Variants in PLCB1 observed in about 807,000 individuals in gnomAD.
The protein encoded by PLCB1 is phospholipase C beta 1.
Under a neutral mutation model 161.8 loss-of-function variants are expected in PLCB1, and 46 were observed. That is an observed-to-expected ratio of 0.28 (90% CI 0.22 to 0.36). The LOEUF is 0.36. PLCB1 is among the 10% of genes least tolerant of loss of function. PLCB1 has a pLI of 1.00. For synonymous variants in PLCB1, 517 were observed against 503.7 expected (o/e 1.03, Z -0.35); for missense variants, 1,016 against 1,472.5 (o/e 0.69, Z 5.07).
At chr20:8,861,781 T>C (rs1333737413) in intron 31 of PLCB1, among the ~76,000 whole-genome samples, 1 of 145,162 alleles carries the variant, frequency 6.9e-6, no homozygotes, top group Non-Finnish European at 1.5e-5. Context: ...CAAAACCCCA[T>C]CTTTATAAAA....
intron 3 of PLCB1, among the ~76,000 whole-genome samples, chr20:8,445,601 T>G (rs1268438017): frequency 1.6e-4 from 25 of 152,022 alleles, no homozygotes; most frequent in African/African-American, 2.9e-4. Flanking sequence ...TTGGTAGCTT[T>G]ATGGGGATGG....
intron 10 of PLCB1, among the ~76,000 whole-genome samples, chr20:8,688,639 A>C (rs1410811270): frequency 6.6e-6 from 1 of 152,122 alleles, no homozygotes; most frequent in East Asian, 1.9e-4. Context: ...TGCTTTGTCA[A>C]AGATCAGTTG....
intron 3 of PLCB1, among the ~76,000 whole-genome samples, chr20:8,605,862 G>C (rs1469392894): frequency 7.2e-6 from 1 of 137,962 alleles, no homozygotes; most frequent in Non-Finnish European, 1.7e-5. Context: ...TGTACCCATG[G>C]TTTAGCTCTC....
At chr20:8,263,332 G>GCAT (rs56716637) in intron 2 of PLCB1, among the ~76,000 whole-genome samples, 19,028 of 152,074 alleles carry the variant, frequency 0.13, 1,560 homozygotes, top group African/African-American at 0.23. Flanking sequence ...GAGATGCTGA[G>GCAT]CATATCATCA....
intron 3 of PLCB1, among the ~76,000 whole-genome samples, chr20:8,587,359 G>T (rs1435047715): frequency 5.3e-5 from 8 of 151,992 alleles, no homozygotes; most frequent in African/African-American, 1.7e-4. Flanking sequence ...GCCTGCCTAG[G>T]GACCCTGTTA....
At chr20:8,557,792 A>T (rs2123013138) in intron 3 of PLCB1, among the ~76,000 whole-genome samples, 1 of 152,138 alleles carries the variant, frequency 6.6e-6, no homozygotes, top group East Asian at 1.9e-4. Context: ...CAGCAAAAAT[A>T]AACCCCAAGC....
At chr20:8,644,005 C>T (rs1451033298) in intron 4 of PLCB1, among the ~76,000 whole-genome samples, 3 of 152,202 alleles carry the variant, frequency 2.0e-5, no homozygotes, top group South Asian at 4.1e-4. Context: ...CTGTGTTGGC[C>T]GGGCTGGTCT....
chr20:8,336,713 C>T (rs540089846), intron 2 of PLCB1, among the ~76,000 whole-genome samples: 1 of 152,194 alleles, frequency 6.6e-6, no homozygotes, highest in Admixed American at 6.5e-5. Context: ...GATAAAATAA[C>T]CCTAAATTTC....
chr20:8,749,637 G>A (rs1981349361), intron 23 of PLCB1, among the ~76,000 whole-genome samples: 1 of 152,060 alleles, frequency 6.6e-6, no homozygotes, highest in Non-Finnish European at 1.5e-5. Context: ...ATTCAAGTTG[G>A]TAGGAACTTT....
intron 3 of PLCB1, among the ~76,000 whole-genome samples, chr20:8,391,455 CT>C (rs997158957): frequency 1.0e-3 from 153 of 152,072 alleles, no homozygotes; most frequent in African/African-American, 3.6e-3. Context: ...ATGCGGGTAT[CT>C]TTTTCTGCAC....
intron 3 of PLCB1, among the ~76,000 whole-genome samples, chr20:8,397,295 T>G (rs1458391680): frequency 1.3e-5 from 2 of 152,128 alleles, no homozygotes; most frequent in Non-Finnish European, 2.9e-5. Context: ...GAATATATAC[T>G]CCAAGATTAT....
chr20:8,385,428 C>T (rs940761312), intron 3 of PLCB1, among the ~76,000 whole-genome samples: 2 of 152,208 alleles, frequency 1.3e-5, no homozygotes, highest in African/African-American at 4.8e-5. Context: ...TGCTGTCCTT[C>T]CCCACCCAGG....
chr20:8,596,906 C>T (rs1987370751), intron 3 of PLCB1, among the ~76,000 whole-genome samples: 1 of 152,288 alleles, frequency 6.6e-6, no homozygotes, highest in Non-Finnish European at 1.5e-5. Flanking sequence ...CTCTGTTTGT[C>T]TGTTGTTGGT....
chr20:8,225,370 T>C (rs995970571), intron 2 of PLCB1, among the ~76,000 whole-genome samples: 1 of 152,220 alleles, frequency 6.6e-6, no homozygotes, highest in Non-Finnish European at 1.5e-5. Flanking sequence ...TAATTGTAAA[T>C]TGGGGGAGAG....
At position 8,297,750 on chromosome 20, in the gene PLCB1, C is replaced by G. The variant is rs561429361; in HGVS notation, c.178-73632C>G. ...AACAGCAGGGCATTTTTTCAGGAAG[C>G]TCTGGCCATTTGGTCAGTCAAGAGC... On this transcript the variant is annotated intron_variant, in intron 2 of 31. Coordinates refer to ENST00000338037, the MANE Select transcript of PLCB1 (RefSeq NM_015192.4). Among the ~76,000 whole-genome samples, 7 of 152,216 alleles carry G rather than the reference C, an allele frequency of 4.6e-5. No homozygotes were observed. The South Asian group carries it at 6.2e-4, about 14-fold the overall frequency.
intron 31 of PLCB1, among the ~76,000 whole-genome samples, chr20:8,838,316 T>A (rs983178853): frequency 1.3e-5 from 2 of 152,140 alleles, no homozygotes; most frequent in African/African-American, 4.8e-5. Context: ...AAGGAAATAA[T>A]CAGACCTGTT....
chr20:8,140,605 T>C (rs6055563), intron 1 of PLCB1, among the ~76,000 whole-genome samples: 7,970 of 152,158 alleles, frequency 0.052, 619 homozygotes, highest in African/African-American at 0.17. Flanking sequence ...AGCAAGCGTT[T>C]GTCTTTTGCA....
chr20:8,821,269 A>G (rs1019374516), intron 31 of PLCB1, among the ~76,000 whole-genome samples: 14 of 151,576 alleles, frequency 9.2e-5, no homozygotes, highest in Non-Finnish European at 1.8e-4. Flanking sequence ...TCACGAGGTC[A>G]GGAGTTCGAG....
intron 3 of PLCB1, among the ~76,000 whole-genome samples, chr20:8,584,475 C>CACAG (rs1435274039): frequency 2.3e-5 from 3 of 128,510 alleles, no homozygotes; most frequent in African/African-American, 3.3e-5. Context: ...CACACATACA[C>CACAG]ACACACAGAC....
Sources: allele counts gnomAD v4.1 joint callset (sites outside exome capture counted in the v4.1 genomes callset), GRCh38; gene constraint gnomAD v4.1.1; transcripts MANE v1.5; gene names NCBI Gene and HGNC (gene_info 2026-07-23, HGNC 2026-07-21).